Variants in RIMS2 observed in about 807,000 individuals in gnomAD.
RIMS2 encodes regulating synaptic membrane exocytosis protein 2.
A neutral mutation model predicts 174.4 loss-of-function variants in RIMS2; 59 were observed. The observed-to-expected ratio is 0.34, with a 90% confidence interval of 0.27 to 0.42. The LOEUF (loss-of-function observed/expected upper bound fraction) is 0.42. Ranked by LOEUF, RIMS2 falls within the 10% of genes least tolerant of loss-of-function variation. The pLI, the probability that RIMS2 is intolerant of heterozygous loss-of-function variation, is 1.00. For synonymous variants in RIMS2, 606 were observed against 572.5 expected (o/e 1.06, Z -0.84); for missense variants, 1,620 against 1,666.3 (o/e 0.97, Z 0.48).
At chr8:103,581,797 C>T (rs1294607813) in intron 1 of RIMS2, among the ~76,000 whole-genome samples, 1 of 152,152 alleles carries the variant, frequency 6.6e-6, no homozygotes, top group Non-Finnish European at 1.5e-5. Flanking sequence ...GGATACCTCA[C>T]CACCAAAGGC....
chr8:103,669,843 T>C (rs1315218080), intron 1 of RIMS2, among the ~76,000 whole-genome samples: 1 of 152,242 alleles, frequency 6.6e-6, no homozygotes, highest in Non-Finnish European at 1.5e-5. Context: ...CCTGTGGCTT[T>C]TCCAGGTGCA....
At chr8:104,078,933 G>A (rs901199221) in intron 19 of RIMS2, among the ~76,000 whole-genome samples, 10 of 151,876 alleles carry the variant, frequency 6.6e-5, no homozygotes, top group South Asian at 6.2e-4. Context: ...AATATGACTC[G>A]CGTAGCCATA....
At chr8:104,157,352 T>G (rs903864073) in intron 19 of RIMS2, among the ~76,000 whole-genome samples, 2 of 152,214 alleles carry the variant, frequency 1.3e-5, no homozygotes, top group Admixed American at 1.3e-4. Context: ...ATATTTTTCT[T>G]CTAAAAAACA....
At chr8:103,750,715 G>C (rs1269459673) in intron 2 of RIMS2, among the ~76,000 whole-genome samples, 1 of 152,072 alleles carries the variant, frequency 6.6e-6, no homozygotes, top group African/African-American at 2.4e-5. Flanking sequence ...GAGAATGAGT[G>C]ACAGGCATTT....
chr8:103,567,796 A>G (rs571852300), intron 1 of RIMS2, among the ~76,000 whole-genome samples: 1 of 152,264 alleles, frequency 6.6e-6, no homozygotes, highest in East Asian at 1.9e-4. Context: ...TGAGGGTTTT[A>G]CTTTCTCCAC....
At chr8:103,611,483 G>T (rs1469868932) in intron 1 of RIMS2, among the ~76,000 whole-genome samples, 1 of 151,388 alleles carries the variant, frequency 6.6e-6, no homozygotes, top group Non-Finnish European at 1.5e-5. Context: ...TTTCTTATAG[G>T]ATAGGTCTAG....
chr8:103,928,201 C>T (rs918493643), intron 11 of RIMS2, among the ~76,000 whole-genome samples: 5 of 151,404 alleles, frequency 3.3e-5, no homozygotes, highest in Non-Finnish European at 7.4e-5. Flanking sequence ...ACAGAAATAG[C>T]TAATTTTATG....
chr8:103,965,525 T>C (rs902671671), intron 15 of RIMS2, among the ~76,000 whole-genome samples: 1 of 152,190 alleles, frequency 6.6e-6, no homozygotes, highest in Non-Finnish European at 1.5e-5. Flanking sequence ...TATTAGTTCC[T>C]GGAGCTTTTT....
At chr8:104,191,490 A>G (rs895847279) in intron 19 of RIMS2, among the ~76,000 whole-genome samples, 4 of 152,146 alleles carry the variant, frequency 2.6e-5, no homozygotes, top group Non-Finnish European at 5.9e-5. Flanking sequence ...TGCCTTTCCA[A>G]GAAACAATTG....
chr8:103,785,763 A>T (rs562659550), intron 3 of RIMS2, among the ~76,000 whole-genome samples: 1 of 152,344 alleles, frequency 6.6e-6, no homozygotes, highest in East Asian at 1.9e-4. Flanking sequence ...TGGCTTTGGT[A>T]TCAGAATGAT....
intron 19 of RIMS2, among the ~76,000 whole-genome samples, chr8:104,055,841 C>T (rs7016772): frequency 0.026 from 4,014 of 152,208 alleles, 200 homozygotes; most frequent in African/African-American, 0.092. Context: ...TAGTCAGTGT[C>T]TCGTTTGTCC....
chr8:103,849,250 C>T (rs577832610), intron 3 of RIMS2, among the ~76,000 whole-genome samples: 1 of 152,178 alleles, frequency 6.6e-6, no homozygotes, highest in African/African-American at 2.4e-5. Context: ...AGTAATCCAA[C>T]TCCAGAATTT....
intron 20 of RIMS2, among the ~76,000 whole-genome samples, chr8:104,246,181 A>G (rs1188479646): frequency 6.6e-6 from 1 of 152,208 alleles, no homozygotes; most frequent in Non-Finnish European, 1.5e-5. Flanking sequence ...TCATTCAACA[A>G]ATATTACCAT....
At chr8:103,693,873 T>C (rs901862196) in intron 1 of RIMS2, among the ~76,000 whole-genome samples, 3 of 152,138 alleles carry the variant, frequency 2.0e-5, no homozygotes, top group African/African-American at 7.2e-5. Context: ...TGACCTGGCA[T>C]TGAAGTTGGC....
chr8:104,235,400 G>A (rs1359981349), intron 19 of RIMS2, among the ~76,000 whole-genome samples: 1 of 152,094 alleles, frequency 6.6e-6, no homozygotes, highest in African/African-American at 2.4e-5. Context: ...AATGATAGTA[G>A]TCATCACTGC....
intron 1 of RIMS2, among the ~76,000 whole-genome samples, chr8:103,556,419 G>C (rs73701806): frequency 0.048 from 7,338 of 152,126 alleles, 592 homozygotes; most frequent in African/African-American, 0.17. Flanking sequence ...CAGCTTAAAA[G>C]CCCTTTTACA....
intron 1 of RIMS2, among the ~76,000 whole-genome samples, chr8:103,612,511 C>T (rs1413400652): frequency 6.6e-6 from 1 of 152,170 alleles, no homozygotes; most frequent in Non-Finnish European, 1.5e-5. Context: ...ATACAGGTAC[C>T]ACTTTGGTGG....
chr8:104,230,299 GT>G (rs2099218447), intron 19 of RIMS2, among the ~76,000 whole-genome samples: 1 of 145,200 alleles, frequency 6.9e-6, no homozygotes, highest in Non-Finnish European at 1.5e-5. Context: ...AAAAAAATAG[GT>G]TTTGTTTAAA....
At chr8:104,213,050 G>A (rs1025922974) in intron 19 of RIMS2, among the ~76,000 whole-genome samples, 12 of 151,998 alleles carry the variant, frequency 7.9e-5, no homozygotes, top group African/African-American at 2.7e-4. Context: ...GGCTGGGTGC[G>A]GTGGCTCAAC....
Sources: allele counts gnomAD v4.1 joint callset (sites outside exome capture counted in the v4.1 genomes callset), GRCh38; gene constraint gnomAD v4.1.1; transcripts MANE v1.5; gene names NCBI Gene and HGNC (gene_info 2026-07-23, HGNC 2026-07-21).